The following IQCJ variants were observed in gnomAD, a reference collection of about 807,000 sequenced individuals.
The protein encoded by IQCJ is IQ motif containing J.
IQCJ carries 9 observed loss-of-function variants against 11.0 expected under a neutral mutation model. The observed-to-expected ratio is 0.82, with a 90% CI of 0.49 to 1.43. IQCJ has a LOEUF of 1.43. Ranked by LOEUF, IQCJ falls within the 40% of genes most tolerant of loss-of-function variation. The probability of loss-of-function intolerance (pLI) is 0.00; values close to 1 mark genes in which losing one functional copy is unlikely to be tolerated. For missense variants in IQCJ, 146 were observed against 133.2 expected, an observed-to-expected ratio of 1.10 and a Z score of -0.47; for synonymous variants, 55 against 51.3, an observed-to-expected ratio of 1.07 and a Z score of -0.31.
chr3:159,205,347 G>T (rs899387079), intron 1 of IQCJ, among the ~76,000 whole-genome samples: 3 of 152,186 alleles, frequency 2.0e-5, no homozygotes, highest in African/African-American at 4.8e-5. Flanking sequence ...TGTAAAGTCA[G>T]GACATGTTAG....
chr3:159,146,269 G>A (rs1720921358), intron 1 of IQCJ, among the ~76,000 whole-genome samples: 4 of 152,134 alleles, frequency 2.6e-5, no homozygotes, highest in African/African-American at 9.7e-5. Context: ...GAGTGGAGGT[G>A]AGGGTAAGAA....
At chr3:159,202,540 A>T (rs1724411796) in intron 1 of IQCJ, among the ~76,000 whole-genome samples, 2 of 152,234 alleles carry the variant, frequency 1.3e-5, no homozygotes, top group Admixed American at 6.5e-5. Context: ...GCAGATAAGG[A>T]TATAGCGGTG....
chr3:159,172,322 G>C (rs375292701), intron 1 of IQCJ, among the ~76,000 whole-genome samples: 1 of 152,060 alleles, frequency 6.6e-6, no homozygotes. Flanking sequence ...AATAAAAAAT[G>C]TATAAATGTT....
intron 1 of IQCJ, among the ~76,000 whole-genome samples, chr3:159,110,404 G>C (rs7635806): frequency 0.069 from 10,559 of 152,134 alleles, 652 homozygotes; most frequent in East Asian, 0.37. Flanking sequence ...CTTTGCATCT[G>C]TTTCCTCTGC....
chr3:159,165,625 T>G (rs1722117578), intron 1 of IQCJ, among the ~76,000 whole-genome samples: 4 of 151,860 alleles, frequency 2.6e-5, no homozygotes, highest in African/African-American at 7.3e-5. Context: ...GCTTCTTTTT[T>G]TTTTTTTGAG....
At chr3:159,221,176 G>A (rs1317214420) in intron 1 of IQCJ, among the ~76,000 whole-genome samples, 1 of 152,068 alleles carries the variant, frequency 6.6e-6, no homozygotes, top group Non-Finnish European at 1.5e-5. Flanking sequence ...GTTAGAAAAG[G>A]CCAGAATTCA....
chr3:159,127,249 T>C (rs1285101089), intron 1 of IQCJ, among the ~76,000 whole-genome samples: 2 of 152,126 alleles, frequency 1.3e-5, no homozygotes, highest in Non-Finnish European at 2.9e-5. Context: ...CATTTGTCAT[T>C]GAGAGGACAA....
At chr3:159,130,410 C>A (rs763520341) in intron 1 of IQCJ, among the ~76,000 whole-genome samples, 7 of 152,002 alleles carry the variant, frequency 4.6e-5, no homozygotes, top group Admixed American at 1.3e-4. Flanking sequence ...GCCCACAGTA[C>A]CTAGATCTCT....
At chr3:159,226,961 T>C (rs1725894866) in intron 1 of IQCJ, among the ~76,000 whole-genome samples, 1 of 152,194 alleles carries the variant, frequency 6.6e-6, no homozygotes, top group African/African-American at 2.4e-5. Flanking sequence ...TTGCTTTTGT[T>C]TGTGGAGCAG....
At chr3:159,218,556 G>T (rs1392535418) in intron 1 of IQCJ, among the ~76,000 whole-genome samples, 1 of 152,058 alleles carries the variant, frequency 6.6e-6, no homozygotes, top group Non-Finnish European at 1.5e-5. Context: ...AAGAAGTAAT[G>T]TCAGAATATG....
intron 1 of IQCJ, among the ~76,000 whole-genome samples, chr3:159,237,464 C>G (rs1218621509): frequency 6.6e-6 from 1 of 152,176 alleles, no homozygotes; most frequent in Non-Finnish European, 1.5e-5. Context: ...ATTCAATACC[C>G]ACCATTCATT....
chr3:159,246,374 T>C (rs953078765), intron 2 of IQCJ, among the ~76,000 whole-genome samples: 1 of 152,240 alleles, frequency 6.6e-6, no homozygotes, highest in African/African-American at 2.4e-5. Flanking sequence ...TAATATACCC[T>C]GTACTGTTGA....
At chr3:159,077,624 T>TA (rs1317456755) in intron 1 of IQCJ, among the ~76,000 whole-genome samples, 2 of 152,142 alleles carry the variant, frequency 1.3e-5, no homozygotes, top group African/African-American at 4.8e-5. Context: ...GATACTGTGT[T>TA]AAAAATAGTT....
intron 1 of IQCJ, among the ~76,000 whole-genome samples, chr3:159,093,365 C>T (rs1717478457): frequency 6.6e-6 from 1 of 151,916 alleles, no homozygotes; most frequent in Non-Finnish European, 1.5e-5. Flanking sequence ...TATATCACCA[C>T]TTCCAACTCC....
At chr3:159,178,914 ATT>A (rs10566685) in intron 1 of IQCJ, among the ~76,000 whole-genome samples, 3,215 of 152,206 alleles carry the variant, frequency 0.021, 118 homozygotes, top group African/African-American at 0.074. Flanking sequence ...ATGCCTCATT[ATT>A]GATTTTGATT....
chr3:159,229,367 CAT>C (rs1014774755), intron 1 of IQCJ, among the ~76,000 whole-genome samples: 3 of 152,110 alleles, frequency 2.0e-5, no homozygotes, highest in Non-Finnish European at 4.4e-5. Context: ...TCTTTGATCT[CAT>C]TCTGTCCTGA....
downstream of IQCJ, chr3:159,265,231 T>G (rs1728432410): frequency 6.2e-7 from 1 of 1,613,576 alleles, no homozygotes; most frequent in South Asian, 1.1e-5. Context: ...AGGGCCCCTG[T>G]TGGGAAGATT....
intron 1 of IQCJ, among the ~76,000 whole-genome samples, chr3:159,136,372 G>A (rs1272247772): frequency 6.6e-6 from 1 of 152,124 alleles, no homozygotes; most frequent in Admixed American, 6.5e-5. Flanking sequence ...ATGTTCCTCA[G>A]GCCACATCTG....
intron 3 of IQCJ, among the ~76,000 whole-genome samples, chr3:159,254,151 A>G (rs1328324408): frequency 2.0e-5 from 3 of 152,226 alleles, no homozygotes; most frequent in Non-Finnish European, 4.4e-5. Context: ...GAATTTTCTC[A>G]TTAAGATAAG....
Sources: gnomAD v4.1 joint callset for allele counts (sites outside exome capture counted in the v4.1 genomes callset) on GRCh38, gnomAD v4.1.1 for gene constraint, MANE v1.5 for transcripts, NCBI Gene and HGNC (gene_info 2026-07-23, HGNC 2026-07-21) for gene names.